Variants in CEP350 observed in about 807,000 individuals in gnomAD.
CEP350 encodes centrosome-associated protein 350.
A neutral mutation model predicts 331.8 loss-of-function variants in CEP350; 126 were observed. The observed-to-expected ratio is 0.38, with a 90% confidence interval of 0.33 to 0.44. CEP350 has a LOEUF of 0.44. Among genes scored for constraint, CEP350 ranks in the 20% least tolerant of loss-of-function variants. CEP350 has a pLI of 1.00. For synonymous variants in CEP350, 1,200 were observed against 1,259.5 expected, an observed-to-expected ratio of 0.95 and a Z score of 1.00; for missense variants, 3,406 against 3,634.6, an observed-to-expected ratio of 0.94 and a Z score of 1.62.
At chr1:180,045,215 G>A (rs1657045352) in intron 21 of CEP350, among the ~76,000 whole-genome samples, 1 of 151,984 alleles carries the variant, frequency 6.6e-6, no homozygotes, top group South Asian at 2.1e-4. Context: ...GGTGGCGTGT[G>A]CCCATAATCC....
chr1:179,970,058 C>T (rs980228028), intron 1 of CEP350, among the ~76,000 whole-genome samples: 8 of 152,068 alleles, frequency 5.3e-5, no homozygotes, highest in Non-Finnish European at 7.4e-5. Context: ...TAGGGCTCCC[C>T]CCTTCTTTTG....
chr1:180,057,239 C>T (rs1432151882), intron 25 of CEP350, among the ~76,000 whole-genome samples: 3 of 151,878 alleles, frequency 2.0e-5, no homozygotes, highest in Admixed American at 6.6e-5. Context: ...GCTGGGATTA[C>T]AGGCGTCTGC....
At chr1:180,067,132 T>C (rs778415120) in intron 27 of CEP350, among the ~76,000 whole-genome samples, 15 of 152,246 alleles carry the variant, frequency 9.9e-5, no homozygotes, top group Non-Finnish European at 2.1e-4. Context: ...ATAACAAGTT[T>C]AAGTTTGGAT....
chr1:180,080,767 A>C (rs1244817024), intron 30 of CEP350, 106 bp downstream of exon 30: 2 of 909,986 alleles, frequency 2.2e-6, no homozygotes, highest in Non-Finnish European at 3.6e-6. Context: ...GTAGACAGAC[A>C]GTGGTGAGTT....
chr1:180,026,033 C>A (rs909665848), intron 14 of CEP350, among the ~76,000 whole-genome samples: 3 of 152,000 alleles, frequency 2.0e-5, no homozygotes, highest in African/African-American at 7.2e-5. Context: ...AGTAAATCTC[C>A]TCTAGTTCTT....
intron 8 of CEP350, among the ~76,000 whole-genome samples, chr1:180,011,281 CTT>C (rs1654638926): frequency 6.6e-6 from 1 of 151,124 alleles, no homozygotes; most frequent in African/African-American, 2.5e-5. Context: ...ATTGTTAACT[CTT>C]TGTTATATGT....
Position 179,992,097 on chromosome 1 carries a change from C to T in CEP350, c.271C>T (p.Pro91Ser), listed in dbSNP as rs762781537. Residue 91 changes from proline (P) to serine (S), a missense_variant, in exon 5 of 38, where the codon CCA becomes TCA. Pro to Ser is a moderately conservative substitution (Grantham distance 74). Transcript: ENST00000367607. ...CCTGGATGATTCTTGGGTTAATGCT[C>T]CAATCTCCAAATCCACTAAATCACG... ...RYLDDSWVNA[P>S]ISKSTKSRKE... is the part of the protein sequence containing the mutation. 6.4e-7 allele frequency: 1 copy of T among 1,554,684 alleles called. No homozygotes were observed. The highest frequency in any genetic ancestry group is 8.7e-7 in the Non-Finnish European group (1 of 1,152,504).
intron 37 of CEP350, among the ~76,000 whole-genome samples, chr1:180,100,090 A>C (rs902756737): frequency 1.3e-5 from 2 of 152,168 alleles, no homozygotes; most frequent in African/African-American, 4.8e-5. Flanking sequence ...CCAGTGTCTT[A>C]TGCCTTATTT....
chr1:180,060,936 G>T (rs1021712028), intron 25 of CEP350, among the ~76,000 whole-genome samples: 2 of 152,000 alleles, frequency 1.3e-5, no homozygotes, highest in Admixed American at 1.3e-4. Flanking sequence ...CATGATAGTT[G>T]TTACCTCTGA....
intron 5 of CEP350, 95 bp downstream of exon 5, chr1:179,992,316 C>G (rs756859687): frequency 3.9e-5 from 40 of 1,033,774 alleles, no homozygotes; most frequent in Non-Finnish European, 5.0e-5. Context: ...TTATAGCACT[C>G]TGGTTGTGAA....
At chr1:180,084,547 G>T (rs1468551570) in intron 31 of CEP350, among the ~76,000 whole-genome samples, 1 of 152,084 alleles carries the variant, frequency 6.6e-6, no homozygotes, top group Non-Finnish European at 1.5e-5. Context: ...TGTATATTTA[G>T]TAGAGACAGT....
chr1:180,095,069 A>G (rs1660406056), intron 34 of CEP350: 1 of 172,282 alleles, frequency 5.8e-6, no homozygotes, highest in Admixed American at 5.6e-5. Context: ...AGCAGTTGTG[A>G]TGTTGATTCT....
intron 8 of CEP350, among the ~76,000 whole-genome samples, chr1:180,007,532 A>G (rs530511873): frequency 2.4e-4 from 37 of 152,050 alleles, no homozygotes; most frequent in African/African-American, 8.7e-4. Flanking sequence ...AGATTGCAAA[A>G]TTTTTCTCCC....
chr1:180,107,120 A>G (rs980846765), intron 37 of CEP350, among the ~76,000 whole-genome samples: 1 of 152,194 alleles, frequency 6.6e-6, no homozygotes, highest in East Asian at 1.9e-4. Context: ...AGCATTCACA[A>G]AACTTATCTA....
chr1:180,108,228 T>C (rs1661254345), intron 37 of CEP350, among the ~76,000 whole-genome samples: 1 of 152,108 alleles, frequency 6.6e-6, no homozygotes, highest in African/African-American at 2.4e-5. Flanking sequence ...AGAGAGAGAA[T>C]AAAAAATGTC....
chr1:180,053,957 C>G, intron 24 of CEP350, 23 bp downstream of exon 24: 1 of 1,494,848 alleles, frequency 6.7e-7, no homozygotes, highest in Non-Finnish European at 9.0e-7. Flanking sequence ...GAGCAGTTTT[C>G]ACTAATTTCT....
intron 32 of CEP350, among the ~76,000 whole-genome samples, chr1:180,089,287 A>G (rs1194598733): frequency 6.6e-6 from 1 of 152,166 alleles, no homozygotes; most frequent in Non-Finnish European, 1.5e-5. Context: ...ATAGTGAAGG[A>G]TTAAAAAGTA....
rs1656184170 is a variant in CEP350 at position 180,033,931 on chromosome 1, A to G, written c.3795A>G (p.Ser1265=). Residue 1265 remains serine (S), a synonymous_variant, in exon 16 of 38, where the codon TCA becomes TCG. Coordinates refer to ENST00000367607, the MANE Select transcript of CEP350 (RefSeq NM_014810.5). The part of the protein sequence containing the change: ...TSPLSPSSQK[S]LQFDVAGTSS... ...CCCTGTCACCAAGTTCCCAGAAATC[A>G]TTGCAGTTTGACGTTGCAGGAACTT... 1.2e-6 allele frequency: 2 copies of G among 1,613,902 alleles called. No individual in the cohort carries two copies. The highest frequency in any genetic ancestry group is 1.7e-5 in the Admixed American group (1 of 60,010).
rs77879886 is a variant in CEP350, at chr1:180,062,722, C to A, written c.5409+356C>A. Among the ~76,000 whole-genome samples the A allele has an allele frequency of 5.4e-3, 823 of 152,184 alleles. 11 individuals carry two copies. The highest frequency in any genetic ancestry group is 0.018 in the African/African-American group (767 of 41,488). ...GGGGGCTGAGTGTGCTAGCTCAATC[C>A]CCTCTTTCTTCTCTTATTAAGCCAC... On this transcript the variant is annotated intron_variant, in intron 26 of 37. Coordinates refer to ENST00000367607, the MANE Select transcript of CEP350 (RefSeq NM_014810.5).
Sources: gnomAD v4.1 joint callset for allele counts (sites outside exome capture counted in the v4.1 genomes callset) on GRCh38, gnomAD v4.1.1 for gene constraint, MANE v1.5 for transcripts, NCBI Gene and HGNC (gene_info 2026-07-23, HGNC 2026-07-21) for gene names.